The following DNAH17 variants were observed in gnomAD, a reference collection of about 807,000 sequenced individuals.
DNAH17 encodes dynein axonemal heavy chain 17.
A neutral mutation model predicts 485.6 loss-of-function variants in DNAH17; 376 were observed. The ratio of observed to expected loss-of-function variants is 0.77; its 90% confidence interval spans 0.71 to 0.84. The LOEUF (loss-of-function observed/expected upper bound fraction) is 0.84, where lower values mean the gene tolerates loss of function less well. Among genes scored for constraint, DNAH17 ranks in the 40% least tolerant of loss-of-function variants. The pLI is 0.00. For synonymous variants in DNAH17, 3,031 were observed against 2,405.9 expected, an observed-to-expected ratio of 1.26 and a Z score of -7.60; for missense variants, 6,370 against 5,839.3, an observed-to-expected ratio of 1.09 and a Z score of -2.96.
At chr17:78,554,468 A>AAAAAAAAAT (rs2091977226) in intron 14 of DNAH17, among the ~76,000 whole-genome samples, 2 of 119,588 alleles carry the variant, frequency 1.7e-5, no homozygotes, top group East Asian at 2.4e-4. Context: ...AAAAAAAAAA[A>AAAAAAAAAT]AAAGGATAGG....
chr17:78,449,587 G>A lies in DNAH17; in HGVS notation c.11041-3C>T, dbSNP rs1366605287. The A allele has an allele frequency of 1.3e-6, 2 of 1,587,916 alleles. No homozygotes were observed. Among genetic ancestry groups the A allele is most frequent in the South Asian group, 1.1e-5 (1 of 88,440 alleles). ...TTCTCAAACACCACGTTGAAGGCCTGGGGATCCGCCACCGAGAGCCATGGA... is the reference window on the plus strand; with the variant it reads ...TTCTCAAACACCACGTTGAAGGCCTAGGGATCCGCCACCGAGAGCCATGGA... On this transcript the variant is annotated splice_region_variant and splice_polypyrimidine_tract_variant and intron_variant, in intron 68 of 80. Coordinates refer to ENST00000389840, the MANE Select transcript of DNAH17 (RefSeq NM_173628.4).
At position 78,530,439 on chromosome 17, in the gene DNAH17, T is replaced by C. The variant is rs372474565; in HGVS notation, c.3188A>G (p.Gln1063Arg). 2 of 1,613,676 alleles carry C rather than the reference T, an allele frequency of 1.2e-6. No homozygotes were observed. The highest frequency in any genetic ancestry group is 2.2e-5 in the East Asian group (1 of 44,878). The change falls in exon 21 of 81, where the codon CAG (glutamine) becomes CGG (arginine). Residue 1063 changes from glutamine to arginine, a missense_variant. Coordinates refer to ENST00000389840, the MANE Select transcript of DNAH17 (RefSeq NM_173628.4). ...CTGCTTGAAGGGGCGGCAGTCGCACTGCAGCCAGCCGTGGAACACCTTGGT... is the reference window on the plus strand; with the variant it reads ...CTGCTTGAAGGGGCGGCAGTCGCACCGCAGCCAGCCGTGGAACACCTTGGT... ...ENTKVFHGWL[Q>R]CDCRPFKQAL...
intron 18 of DNAH17, 143 bp from the exon 19 acceptor site, chr17:78,537,624 C>A (rs532334121): frequency 2.0e-5 from 20 of 994,956 alleles, no homozygotes; most frequent in Non-Finnish European, 2.8e-5. Flanking sequence ...CGTGTCTCAG[C>A]GCACCCCGCT....
chr17:78,478,833 A>G, intron 51 of DNAH17, 192 bp downstream of exon 51: 1 of 569,604 alleles, frequency 1.8e-6, no homozygotes, highest in Non-Finnish European at 3.1e-6. Context: ...CATCACGACC[A>G]TCACCATTAC....
Position 78,454,644 on chromosome 17 carries a change from A to G in DNAH17, c.10232T>C (p.Val3411Ala). The change falls in exon 64 of 81, where the codon GTG (valine) becomes GCG (alanine). Residue 3411 changes from valine (V) to alanine (A), a missense_variant. Transcript: ENST00000389840. ...GAGGCCCTGGTTGTTCCAGGTGGCC[A>G]CGTCCGCGTCATCTGTCAGCAGGCT... Reference protein sequence around the residue: ...PLSLLTDDADVATWNNQGLPS... With the variant: ...PLSLLTDDADAATWNNQGLPS... 1 of 1,613,116 alleles carries G rather than the reference A, an allele frequency of 6.2e-7. No individual in the cohort carries two copies. Among genetic ancestry groups the G allele is most frequent in the East Asian group, 2.2e-5 (1 of 44,866 alleles).
In DNAH17 at chr17:78,429,192, G is replaced by A. The variant is rs137969978; in HGVS notation, c.12334C>T (p.Arg4112Trp). ...LCRTYLAEYI[R>W]TEMLEGDVLL... Reference sequence around the variant, plus strand: ...ACGTCTCCCTCCAGCATCTCCGTCCGGATGTATTCAGCCAGGTAGGTCCTG... The same window carrying A: ...ACGTCTCCCTCCAGCATCTCCGTCCAGATGTATTCAGCCAGGTAGGTCCTG... The change falls in exon 76 of 81, where the codon CGG becomes TGG. Residue 4112 changes from arginine to tryptophan, a missense_variant. By Grantham distance (101) the Arg-to-Trp change is moderately radical. Transcript: ENST00000389840. 10 of 1,613,710 alleles carry A rather than the reference G, an allele frequency of 6.2e-6. No homozygotes were observed. Among genetic ancestry groups the A allele is most frequent in the Middle Eastern group, 3.3e-4 (2 of 6,084 alleles).
chr17:78,558,949 GCA>G (rs1395331749), intron 13 of DNAH17, among the ~76,000 whole-genome samples: 1 of 152,176 alleles, frequency 6.6e-6, no homozygotes, highest in Non-Finnish European at 1.5e-5. Context: ...TTCCTTCTGG[GCA>G]CACAGTGTCC....
In DNAH17 at chr17:78,425,376, C is replaced by A; in HGVS notation, c.13111G>T (p.Gly4371Cys). ...ATGAAGAGTCCGTACACGTAGGAGC[C>A]CTCTCGCGGAGGAGCGGTCATGTCC... Reference protein sequence around the residue: ...REDMTAPPREGSYVYGLFMEG... With the variant: ...REDMTAPPRECSYVYGLFMEG... Residue 4371 changes from glycine to cysteine, a missense_variant, in exon 80 of 81, where the codon GGC (glycine) becomes TGC (cysteine). Transcript: ENST00000389840. 1.2e-6 allele frequency: 2 copies of A among 1,614,010 alleles called. No homozygotes were observed. Among genetic ancestry groups the A allele is most frequent in the Non-Finnish European group, 1.7e-6 (2 of 1,179,886 alleles).
chr17:78,513,197 C>T (rs908976943), intron 26 of DNAH17, among the ~76,000 whole-genome samples: 1 of 152,102 alleles, frequency 6.6e-6, no homozygotes. Context: ...TTATACCCCC[C>T]TCCCTTTGGG....
intron 37 of DNAH17, among the ~76,000 whole-genome samples, chr17:78,496,497 A>C (rs2090076109): frequency 6.6e-6 from 1 of 151,844 alleles, no homozygotes; most frequent in African/African-American, 2.4e-5. Context: ...CACTGAGGCC[A>C]GCATTGCTGT....
intron 3 of DNAH17, 61 bp from the exon 4 acceptor site, chr17:78,571,843 C>T: frequency 6.8e-7 from 1 of 1,474,610 alleles, no homozygotes; most frequent in Admixed American, 2.1e-5. Context: ...TCCCACCAAG[C>T]TCTCCCATGA....
At chr17:78,459,698 G>A in intron 60 of DNAH17, 86 bp downstream of exon 60, 2 of 1,481,880 alleles carry the variant, frequency 1.3e-6, no homozygotes, top group Non-Finnish European at 1.9e-6. Flanking sequence ...CCAAGAGCCT[G>A]AGGCCATGCT....
chr17:78,478,732 CA>C, intron 51 of DNAH17: 1 of 379,630 alleles, frequency 2.6e-6, no homozygotes, highest in African/African-American at 2.2e-5. Context: ...CCATCATCAC[CA>C]CCATCATCAC....
At position 78,571,747 on chromosome 17, in the gene DNAH17, G is replaced by C. The variant is rs1176664974; in HGVS notation, c.575C>G (p.Ala192Gly). ...PSSLDNLLLHAIETTIIDWSH... is the reference protein window; with the variant it reads ...PSSLDNLLLHGIETTIIDWSH... The stretch of plus-strand genomic sequence containing the variant: ...CCAGTCGATGATGGTGGTTTCAATG[G>C]CGTGCAGGAGCAAGTTGTCCAGTGA... The change falls in exon 4 of 81, where the codon GCC (alanine) becomes GGC (glycine). Residue 192 changes from alanine to glycine, a missense_variant. Ala to Gly is a moderately conservative substitution (Grantham distance 60). Coordinates refer to ENST00000389840, the MANE Select transcript of DNAH17 (RefSeq NM_173628.4). 3.1e-6 allele frequency: 5 copies of C among 1,606,518 alleles called. No homozygotes were observed. The highest frequency in any genetic ancestry group is 4.3e-6 in the Non-Finnish European group (5 of 1,175,834).
intron 42 of DNAH17, among the ~76,000 whole-genome samples, 156 bp downstream of exon 42, chr17:78,492,477 A>G (rs924893858): frequency 5.3e-5 from 8 of 151,724 alleles, no homozygotes; most frequent in African/African-American, 1.7e-4. Context: ...CTCCCCATAA[A>G]CTTTGTTACC....
intron 48 of DNAH17, among the ~76,000 whole-genome samples, chr17:78,482,558 T>C (rs1270925244): frequency 6.6e-6 from 1 of 152,232 alleles, no homozygotes. Flanking sequence ...CTTCTGTGTG[T>C]GCCTCTGAAA....
intron 54 of DNAH17, among the ~76,000 whole-genome samples, chr17:78,470,069 CTTTTTTTTTT>C (rs34298026): frequency 2.1e-5 from 2 of 93,366 alleles, no homozygotes; most frequent in Non-Finnish European, 3.9e-5. Context: ...ATGTCTTACT[CTTTTTTTTTT>C]TTTTTTTTTT....
At position 78,444,688 on chromosome 17, in the gene DNAH17, G is replaced by C; in HGVS notation, c.11444C>G (p.Pro3815Arg). The C allele has an allele frequency of 6.2e-7, 1 of 1,610,578 alleles. No individual in the cohort carries two copies. The highest frequency in any genetic ancestry group is 8.5e-7 in the Non-Finnish European group (1 of 1,178,912). ...GGCCGTCTTGTTCTTCCACTCCTTG[G>C]GGAAGATCTCCTTCTCGGGGGCTTC... ...ESEAPEKEIF[P>R]KEWKNKTALQ... The change falls in exon 71 of 81, where the codon CCC (proline) becomes CGC (arginine). Residue 3815 changes from proline (P) to arginine (R), a missense_variant. Pro to Arg is a moderately radical substitution (Grantham distance 103). Coordinates refer to ENST00000389840, the MANE Select transcript of DNAH17 (RefSeq NM_173628.4).
chr17:78,478,226 T>TCAC (rs2089168596), intron 51 of DNAH17, among the ~76,000 whole-genome samples: 1 of 87,858 alleles, frequency 1.1e-5, no homozygotes, highest in Non-Finnish European at 2.2e-5. Flanking sequence ...CATCACCACA[T>TCAC]CACCATCACC....
Sources: gnomAD v4.1 joint callset for allele counts (sites outside exome capture counted in the v4.1 genomes callset) on GRCh38, gnomAD v4.1.1 for gene constraint, MANE v1.5 for transcripts, NCBI Gene and HGNC (gene_info 2026-07-23, HGNC 2026-07-21) for gene names.